The following ANTXR1 variants were observed in gnomAD, a reference collection of about 807,000 sequenced individuals.
The protein encoded by ANTXR1 is anthrax toxin receptor 1.
In ANTXR1, 19 loss-of-function variants were observed where a neutral mutation model predicts 78.1. The ratio of observed to expected loss-of-function variants is 0.24; its 90% CI spans 0.17 to 0.36. The LOEUF is 0.36. ANTXR1 is among the 10% of genes least tolerant of loss of function. ANTXR1 has a pLI of 1.00. For synonymous variants in ANTXR1, 273 were observed against 260.5 expected (o/e 1.05, Z -0.46); for missense variants, 518 against 718.6 (o/e 0.72, Z 3.19).
intron 5 of ANTXR1, 91 bp from the exon 6 acceptor site, chr2:69,072,931 T>G (rs1670612398): frequency 2.3e-6 from 3 of 1,295,090 alleles, no homozygotes; most frequent in Non-Finnish European, 3.4e-6. Flanking sequence ...TTTGGGTGGT[T>G]GAACTCGTAA....
chr2:69,176,959 C>A (rs961104804), intron 14 of ANTXR1, among the ~76,000 whole-genome samples: 2 of 152,196 alleles, frequency 1.3e-5, no homozygotes, highest in Non-Finnish European at 2.9e-5. Flanking sequence ...TCAATTGAGT[C>A]TGAGAGGGCC....
intron 12 of ANTXR1, among the ~76,000 whole-genome samples, chr2:69,126,018 C>T (rs1672523395): frequency 6.6e-6 from 1 of 152,154 alleles, no homozygotes; most frequent in South Asian, 2.1e-4. Context: ...CCTCGTTGGC[C>T]TTTGGAAGCT....
intron 17 of ANTXR1, among the ~76,000 whole-genome samples, chr2:69,222,438 C>G (rs1015970860): frequency 5.9e-5 from 9 of 152,152 alleles, no homozygotes; most frequent in African/African-American, 1.7e-4. Context: ...TCCAGAGTGA[C>G]AGAACTATCA....
intron 6 of ANTXR1, among the ~76,000 whole-genome samples, 196 bp from the exon 7 acceptor site, chr2:69,075,394 A>T (rs907297898): frequency 6.6e-6 from 1 of 152,142 alleles, no homozygotes; most frequent in Non-Finnish European, 1.5e-5. Context: ...TTTCAAGTCC[A>T]CCATGTGTTA....
At chr2:69,078,559 T>C (rs1670808316) in intron 8 of ANTXR1, among the ~76,000 whole-genome samples, 1 of 152,148 alleles carries the variant, frequency 6.6e-6, no homozygotes, top group Admixed American at 6.5e-5. Flanking sequence ...CAGAGTGGAA[T>C]GCAGAGTGGG....
At chr2:69,139,291 G>A (rs1673004521) in intron 12 of ANTXR1, among the ~76,000 whole-genome samples, 2 of 152,330 alleles carry the variant, frequency 1.3e-5, no homozygotes, top group African/African-American at 2.4e-5. Context: ...GCCTCTGCAA[G>A]CCTCCTAACT....
intron 17 of ANTXR1, among the ~76,000 whole-genome samples, chr2:69,205,519 A>G (rs1251110400): frequency 1.3e-5 from 2 of 151,930 alleles, no homozygotes; most frequent in African/African-American, 4.8e-5. Context: ...TTTAGCACCA[A>G]GTTAATTTTA....
chr2:69,049,286 G>A (rs1325881486), intron 3 of ANTXR1, among the ~76,000 whole-genome samples: 1 of 151,998 alleles, frequency 6.6e-6, no homozygotes, highest in East Asian at 1.9e-4. Context: ...TTTCTAACAG[G>A]TTTTTTGTTG....
intron 3 of ANTXR1, among the ~76,000 whole-genome samples, chr2:69,057,565 T>C (rs1177840008): frequency 1.3e-5 from 2 of 152,332 alleles, no homozygotes; most frequent in East Asian, 1.9e-4. Flanking sequence ...GCAAACTTAA[T>C]TGACAAATGT....
At chr2:69,081,815 G>A (rs934782689) in intron 8 of ANTXR1, among the ~76,000 whole-genome samples, 4 of 152,160 alleles carry the variant, frequency 2.6e-5, no homozygotes, top group African/African-American at 9.7e-5. Context: ...CAGTGAGTTC[G>A]TACTATGTGC....
At chr2:69,125,518 G>A (rs952491928) in intron 12 of ANTXR1, among the ~76,000 whole-genome samples, 1 of 152,134 alleles carries the variant, frequency 6.6e-6, no homozygotes. Context: ...CTGTCAGGGG[G>A]CAGTCAGGGC....
intron 1 of ANTXR1, among the ~76,000 whole-genome samples, chr2:69,018,659 G>C (rs59509155): frequency 0.011 from 1,661 of 152,258 alleles, 20 homozygotes; most frequent in African/African-American, 0.037. Context: ...GAAAACCTTT[G>C]TTCAGTCCAC....
At chr2:69,140,486 G>A (rs1384474337) in intron 12 of ANTXR1, among the ~76,000 whole-genome samples, 2 of 152,150 alleles carry the variant, frequency 1.3e-5, no homozygotes, top group African/African-American at 2.4e-5. Flanking sequence ...GGGATTAGGG[G>A]AATATCATCA....
chr2:69,196,866 TC>T (rs2104480232), intron 17 of ANTXR1, among the ~76,000 whole-genome samples: 1 of 151,956 alleles, frequency 6.6e-6, no homozygotes, highest in South Asian at 2.1e-4. Context: ...TCCTTCATCC[TC>T]CCCCCAGCTA....
At chr2:69,050,008 A>G (rs1389442199) in intron 3 of ANTXR1, among the ~76,000 whole-genome samples, 2 of 152,082 alleles carry the variant, frequency 1.3e-5, no homozygotes, top group African/African-American at 4.8e-5. Flanking sequence ...AAGCTCTCCT[A>G]ATGGGCCTGG....
At chr2:69,022,915 CAG>C (rs994689988) in intron 1 of ANTXR1, among the ~76,000 whole-genome samples, 1 of 152,206 alleles carries the variant, frequency 6.6e-6, no homozygotes, top group African/African-American at 2.4e-5. Flanking sequence ...TTTTGCCCTT[CAG>C]TGTTGCCAGG....
intron 12 of ANTXR1, among the ~76,000 whole-genome samples, chr2:69,131,990 AGG>A (rs1672763198): frequency 1.3e-5 from 2 of 152,206 alleles, no homozygotes; most frequent in African/African-American, 4.8e-5. Context: ...ACTTGGTAGA[AGG>A]GTGTAGAAAT....
chr2:69,193,144 C>T (rs1181194138), intron 16 of ANTXR1, among the ~76,000 whole-genome samples, 191 bp from the exon 17 acceptor site: 1 of 152,150 alleles, frequency 6.6e-6, no homozygotes, highest in Non-Finnish European at 1.5e-5. Flanking sequence ...CTGTGTGTCT[C>T]TTCTTCTCCT....
At chr2:69,172,281 CT>C (rs1674008234) in intron 14 of ANTXR1, 3 of 1,137,878 alleles carry the variant, frequency 2.6e-6, no homozygotes, top group Admixed American at 1.8e-5. Flanking sequence ...GCATCAGGCG[CT>C]TTTTGGCATG....
Sources: gnomAD v4.1 joint callset for allele counts (sites outside exome capture counted in the v4.1 genomes callset) on GRCh38, gnomAD v4.1.1 for gene constraint, MANE v1.5 for transcripts, NCBI Gene and HGNC (gene_info 2026-07-23, HGNC 2026-07-21) for gene names.